The following SMARCAD1 variants were observed in gnomAD, a reference collection of about 807,000 sequenced individuals.
SMARCAD1 encodes SNF2 related chromatin remodeling ATPase with DExD box 1.
In SMARCAD1, 25 loss-of-function variants were observed where a neutral mutation model predicts 127.1. That is an observed-to-expected ratio of 0.20 (90% CI 0.14 to 0.27). The LOEUF (loss-of-function observed/expected upper bound fraction) is 0.27, where lower values mean the gene tolerates loss of function less well. Among genes scored for constraint, SMARCAD1 ranks in the 10% least tolerant of loss-of-function variants. The pLI is 1.00. For synonymous variants in SMARCAD1, 400 were observed against 396.9 expected (o/e 1.01, Z -0.09); for missense variants, 807 against 1,206.0 (o/e 0.67, Z 4.90).
At chr4:94,220,545 G>T (rs1743955102) in intron 2 of SMARCAD1, among the ~76,000 whole-genome samples, 2 of 152,192 alleles carry the variant, frequency 1.3e-5, no homozygotes. Flanking sequence ...ACCGTGTCCA[G>T]CCCTCATCAG....
At chr4:94,249,890 T>C (rs1749021306) in intron 7 of SMARCAD1, 135 bp downstream of exon 7, 1 of 642,264 alleles carries the variant, frequency 1.6e-6, no homozygotes. Context: ...CTTTTATCAA[T>C]GTTATAAAGT....
At chr4:94,226,606 G>T (rs369563295) in intron 3 of SMARCAD1, among the ~76,000 whole-genome samples, 2 of 148,814 alleles carry the variant, frequency 1.3e-5, no homozygotes, top group African/African-American at 5.0e-5. Flanking sequence ...ACCTTTGATC[G>T]TGTATAACTG....
intron 6 of SMARCAD1, among the ~76,000 whole-genome samples, chr4:94,241,411 A>AT (rs1560531649): frequency 6.6e-6 from 1 of 152,074 alleles, no homozygotes; most frequent in Admixed American, 6.6e-5. Context: ...TCATCTCCAA[A>AT]TTTCCCCTTT....
At chr4:94,284,281 C>T (rs1186109410) in intron 22 of SMARCAD1, among the ~76,000 whole-genome samples, 1 of 134,050 alleles carries the variant, frequency 7.5e-6, no homozygotes, top group Non-Finnish European at 1.5e-5. Context: ...GAGCCGCGAT[C>T]GCACCACTGC....
chr4:94,271,551 G>T (rs1018585440), intron 11 of SMARCAD1, among the ~76,000 whole-genome samples: 1 of 152,144 alleles, frequency 6.6e-6, no homozygotes, highest in Non-Finnish European at 1.5e-5. Context: ...AATGATATTT[G>T]TTCCCTCATT....
chr4:94,243,274 G>A (rs1028736623), intron 6 of SMARCAD1, among the ~76,000 whole-genome samples: 2 of 152,190 alleles, frequency 1.3e-5, no homozygotes, highest in African/African-American at 2.4e-5. Context: ...AATGCCTCAG[G>A]TAATAGTTGA....
intron 6 of SMARCAD1, among the ~76,000 whole-genome samples, chr4:94,245,265 T>C (rs1289420442): frequency 6.6e-6 from 1 of 152,244 alleles, no homozygotes; most frequent in East Asian, 1.9e-4. Context: ...TTGCTGCTTA[T>C]GGCTGTATGG....
intron 9 of SMARCAD1, chr4:94,253,643 C>T (rs1280149088): frequency 8.7e-6 from 9 of 1,029,416 alleles, no homozygotes; most frequent in East Asian, 8.8e-5. Flanking sequence ...ATAATTCAAG[C>T]GTTAGGTGAA....
intron 6 of SMARCAD1, among the ~76,000 whole-genome samples, chr4:94,248,035 T>G (rs1748722471): frequency 6.6e-6 from 1 of 152,134 alleles, no homozygotes; most frequent in Non-Finnish European, 1.5e-5. Flanking sequence ...GTGTCTGTTG[T>G]TCTCATTTTT....
intron 9 of SMARCAD1, among the ~76,000 whole-genome samples, chr4:94,258,754 G>C (rs1301636004): frequency 6.6e-6 from 1 of 152,198 alleles, no homozygotes; most frequent in Non-Finnish European, 1.5e-5. Context: ...TGTAAGTGGG[G>C]TGTAATTATA....
chr4:94,274,596 C>CA, intron 12 of SMARCAD1, 142 bp from the exon 13 acceptor site: 1 of 797,816 alleles, frequency 1.3e-6, no homozygotes, highest in East Asian at 2.6e-5. Flanking sequence ...GGATTACAGG[C>CA]ATGAGCCACC....
chr4:94,241,245 A>G (rs1747532911), intron 6 of SMARCAD1, among the ~76,000 whole-genome samples: 1 of 152,244 alleles, frequency 6.6e-6, no homozygotes, highest in Non-Finnish European at 1.5e-5. Context: ...AAATTTGTCT[A>G]AATGAATCAT....
intron 2 of SMARCAD1, among the ~76,000 whole-genome samples, chr4:94,211,270 G>A (rs1176426339): frequency 6.6e-6 from 1 of 151,980 alleles, no homozygotes; most frequent in African/African-American, 2.4e-5. Flanking sequence ...AAAACTCCAT[G>A]TCAAAATAAA....
At chr4:94,215,256 C>T (rs1742983739) in intron 2 of SMARCAD1, among the ~76,000 whole-genome samples, 1 of 152,110 alleles carries the variant, frequency 6.6e-6, no homozygotes, top group South Asian at 2.1e-4. Context: ...AGGGTTAGTG[C>T]TGAATTGTTG....
chr4:94,230,078 CATTA>C lies in SMARCAD1; in HGVS notation c.368+3787_368+3790del, dbSNP rs1333739953. On this transcript the variant is annotated intron_variant, in intron 3 of 23. Coordinates refer to ENST00000354268, the MANE Select transcript of SMARCAD1 (RefSeq NM_020159.5). ...ATGTTTTGTTATTCATTTGAAATACCATTAATTATTTTGTATTCCTTTTAGGGTT... is the reference window on the plus strand; with the variant it reads ...ATGTTTTGTTATTCATTTGAAATACCATTATTTTGTATTCCTTTTAGGGTT... Among the ~76,000 whole-genome samples the C allele has an allele frequency of 2.0e-5, 3 of 151,892 alleles. No homozygotes were observed. In the East Asian group the frequency reaches 5.8e-4, roughly 29 times the overall value.
chr4:94,225,014 T>C (rs1042105028), intron 2 of SMARCAD1, among the ~76,000 whole-genome samples: 3 of 152,220 alleles, frequency 2.0e-5, no homozygotes, highest in Admixed American at 6.5e-5. Flanking sequence ...CCCTTCAATC[T>C]GATCCATTCC....
intron 16 of SMARCAD1, among the ~76,000 whole-genome samples, chr4:94,277,907 G>A (rs1275841154): frequency 6.6e-6 from 1 of 152,088 alleles, no homozygotes; most frequent in Non-Finnish European, 1.5e-5. Context: ...AATATATGGA[G>A]GACTCCTTCA....
rs985794988 is a variant in SMARCAD1, at chr4:94,234,109, A to G, written c.524A>G (p.Asn175Ser). 1.2e-5 allele frequency: 19 copies of G among 1,604,728 alleles called. No homozygotes were observed. The highest frequency in any genetic ancestry group is 4.0e-5 in the African/African-American group (3 of 74,776). ...GAACTTTTTCCACAAAGAAGTGACA[A>G]TGATTTACTTAAGGTTATATTCATT... ...LKELFPQRSD[N>S]DLLKLIESTS... Residue 175 changes from asparagine to serine, a missense_variant, in exon 4 of 24, where the codon AAT becomes AGT. Physicochemically the swap from Asn to Ser is conservative, Grantham distance 46. Coordinates refer to ENST00000354268, the MANE Select transcript of SMARCAD1 (RefSeq NM_020159.5).
chr4:94,289,375 A>G (rs1755403857), intron 23 of SMARCAD1, 98 bp from the exon 24 acceptor site: 1 of 1,096,674 alleles, frequency 9.1e-7, no homozygotes. Flanking sequence ...CCCTTGAAAG[A>G]TGAGTAAGAA....
Sources: allele counts gnomAD v4.1 joint callset (sites outside exome capture counted in the v4.1 genomes callset), GRCh38; gene constraint gnomAD v4.1.1; transcripts MANE v1.5; gene names NCBI Gene and HGNC (gene_info 2026-07-23, HGNC 2026-07-21).